The following RFX4 variants were observed in gnomAD, a reference collection of about 807,000 sequenced individuals.
RFX4 encodes regulatory factor X4.
A neutral mutation model predicts 95.0 loss-of-function variants in RFX4; 10 were observed. That is an observed-to-expected ratio of 0.11 (90% CI 0.06 to 0.18). The LOEUF (loss-of-function observed/expected upper bound fraction) is 0.18. Ranked by LOEUF, RFX4 falls within the 10% of genes least tolerant of loss-of-function variation. The pLI is 1.00. For missense variants in RFX4, 640 were observed against 922.0 expected (o/e 0.69, Z 3.96); for synonymous variants, 321 against 340.7 (o/e 0.94, Z 0.64).
At chr12:106,691,068 G>A (rs1021404918) in intron 7 of RFX4, among the ~76,000 whole-genome samples, 2 of 152,216 alleles carry the variant, frequency 1.3e-5, no homozygotes, top group Non-Finnish European at 2.9e-5. Context: ...TATGGTGAGA[G>A]GTCCAGAAAC....
chr12:106,759,630 G>A (rs1373477603), intron 17 of RFX4, among the ~76,000 whole-genome samples: 4 of 152,082 alleles, frequency 2.6e-5, no homozygotes, highest in African/African-American at 9.7e-5. Flanking sequence ...TTCCCATGAC[G>A]CAGAGCACAG....
chr12:106,585,016 C>A (rs2039433795), intron 1 of RFX4, among the ~76,000 whole-genome samples: 1 of 152,250 alleles, frequency 6.6e-6, no homozygotes, highest in South Asian at 2.1e-4. Context: ...CCTTTTCCAC[C>A]ATTTTTTCAT....
intron 2 of RFX4, among the ~76,000 whole-genome samples, chr12:106,631,384 T>C (rs976658190): frequency 2.6e-5 from 4 of 152,232 alleles, no homozygotes; most frequent in Non-Finnish European, 5.9e-5. Context: ...CTGCAGAGCT[T>C]ACAAGCTAAC....
intron 2 of RFX4, among the ~76,000 whole-genome samples, chr12:106,625,179 G>A (rs535542396): frequency 6.6e-6 from 1 of 152,304 alleles, no homozygotes; most frequent in South Asian, 2.1e-4. Flanking sequence ...CACACTCCTA[G>A]TTAGTGGCAG....
In RFX4 at chr12:106,718,881, C is replaced by T. The variant is rs576095806; in HGVS notation, c.1139-1079C>T. On this transcript the variant is annotated intron_variant, in intron 11 of 17. Coordinates refer to ENST00000392842, the MANE Select transcript of RFX4 (RefSeq NM_213594.3). Reference sequence around the variant, plus strand: ...ATCCCAGCACTTTGGGAGGCCAAGGCGGGCGGATCACGAGGTCAGGAGATT... The same window carrying T: ...ATCCCAGCACTTTGGGAGGCCAAGGTGGGCGGATCACGAGGTCAGGAGATT... Among the ~76,000 whole-genome samples, 280 of 149,926 alleles carry T rather than the reference C, an allele frequency of 1.9e-3. 1 individual carries two copies. The highest frequency in any genetic ancestry group is 6.4e-3 in the African/African-American group (262 of 40,724).
In RFX4 at chr12:106,689,339, C is replaced by T; in HGVS notation, c.644C>T (p.Thr215Ile). 1 of 1,613,870 alleles carries T rather than the reference C, an allele frequency of 6.2e-7. No individual in the cohort carries two copies. The highest frequency in any genetic ancestry group is 8.5e-7 in the Non-Finnish European group (1 of 1,179,722). ...ACACACTGTCAGAGAATACTGGACA[C>T]TGTAATAAGAGCCAACTTTGATGAG... is the stretch of plus-strand genomic sequence containing the variant. ...YRTHCQRILD[T>I]VIRANFDEVQ... The change falls in exon 7 of 18, where the codon ACT becomes ATT. Residue 215 changes from threonine (T) to isoleucine (I), a missense_variant. Coordinates refer to ENST00000392842, the MANE Select transcript of RFX4 (RefSeq NM_213594.3).
intron 13 of RFX4, among the ~76,000 whole-genome samples, chr12:106,730,155 G>A (rs1185758219): frequency 6.6e-6 from 1 of 152,122 alleles, no homozygotes; most frequent in East Asian, 1.9e-4. Flanking sequence ...TTAAGCCAGG[G>A]ATCTTCCTCT....
At chr12:106,754,123 A>G (rs2043064162) in intron 17 of RFX4, among the ~76,000 whole-genome samples, 1 of 152,162 alleles carries the variant, frequency 6.6e-6, no homozygotes, top group African/African-American at 2.4e-5. Context: ...GTTTGTTTTG[A>G]TTTCCATCTG....
At chr12:106,748,811 C>T (rs929183124) in intron 16 of RFX4, among the ~76,000 whole-genome samples, 4 of 151,876 alleles carry the variant, frequency 2.6e-5, no homozygotes, top group African/African-American at 9.7e-5. Flanking sequence ...ATGGGCTGGG[C>T]GCAGTGGCTC....
rs372619698 is a variant in RFX4, at chr12:106,732,255, C to T, written c.1471+6C>T. On this transcript the variant is annotated splice_donor_region_variant and intron_variant, in intron 14 of 17. Coordinates refer to ENST00000392842, the MANE Select transcript of RFX4 (RefSeq NM_213594.3). ...GAAGGGAGAAGGAAGCACTGGTAAG[C>T]CAGCATTTTCCTGGGAATTGCACCA... 5 of 1,613,542 alleles carry T rather than the reference C, an allele frequency of 3.1e-6. No individual in the cohort carries two copies. Among genetic ancestry groups the T allele is most frequent in the Non-Finnish European group, 3.4e-6 (4 of 1,179,696 alleles).
intron 1 of RFX4, among the ~76,000 whole-genome samples, chr12:106,587,538 C>G (rs190407248): frequency 6.6e-6 from 1 of 152,128 alleles, no homozygotes; most frequent in African/African-American, 2.4e-5. Context: ...CCAGAGGCTC[C>G]GAGGTCTCTA....
At chr12:106,684,637 G>C in intron 5 of RFX4, 2 of 1,353,204 alleles carry the variant, frequency 1.5e-6, no homozygotes, top group South Asian at 1.6e-5. Flanking sequence ...GGTTACGGTG[G>C]TGTGTCATAA....
intron 9 of RFX4, 30 bp downstream of exon 9, chr12:106,709,460 G>A: frequency 6.5e-7 from 1 of 1,542,670 alleles, no homozygotes; most frequent in African/African-American, 1.4e-5. Context: ...CGGGATGGAA[G>A]AGAGAATTAC....
chr12:106,718,954 CAAA>C (rs34996369), intron 11 of RFX4, among the ~76,000 whole-genome samples: 8 of 107,644 alleles, frequency 7.4e-5, no homozygotes, highest in Non-Finnish European at 3.9e-5. Flanking sequence ...ACTAAAGATA[CAAA>C]AAAAAAAAAA....
chr12:106,761,135 T>C (rs993384113), intron 17 of RFX4, 62 bp from the exon 18 acceptor site: 20 of 1,520,262 alleles, frequency 1.3e-5, no homozygotes, highest in African/African-American at 6.9e-5. Flanking sequence ...ACATGACTGA[T>C]ATTGTGTATA....
chr12:106,749,248 A>C, intron 16 of RFX4, among the ~76,000 whole-genome samples: 1 of 140,252 alleles, frequency 7.1e-6, no homozygotes, highest in African/African-American at 2.8e-5. Flanking sequence ...AGAGCGATAT[A>C]CTCCAACTCA....
chr12:106,635,379 G>A (rs1245738785), intron 2 of RFX4, among the ~76,000 whole-genome samples: 3 of 152,122 alleles, frequency 2.0e-5, no homozygotes, highest in East Asian at 1.9e-4. Context: ...GTGTAGTGGC[G>A]TGATCTCTTT....
intron 8 of RFX4, among the ~76,000 whole-genome samples, chr12:106,708,709 C>T (rs141262804): frequency 1.8e-4 from 27 of 152,280 alleles, no homozygotes; most frequent in African/African-American, 6.0e-4. Context: ...AAATGGTGCC[C>T]GGTGTCTTCT....
In RFX4 at chr12:106,639,348, T is replaced by C; in HGVS notation, c.147T>C (p.Asn49=). 1 of 1,613,592 alleles carries C rather than the reference T, an allele frequency of 6.2e-7. No homozygotes were observed. The highest frequency in any genetic ancestry group is 8.5e-7 in the Non-Finnish European group (1 of 1,179,776). The change falls in exon 3 of 18, where the codon AAT becomes AAC. Residue 49 remains asparagine (N), a synonymous_variant. Transcript: ENST00000392842. The part of the protein sequence containing the change: ...VSNDENEEKE[N]NRASKPHSTP... ...CTTTAACAGATGAGGAAAAAGAAAA[T>C]AATAGAGCATCCAAGCCCCACTCCA...
Sources: gnomAD v4.1 joint callset for allele counts (sites outside exome capture counted in the v4.1 genomes callset) on GRCh38, gnomAD v4.1.1 for gene constraint, MANE v1.5 for transcripts, NCBI Gene and HGNC (gene_info 2026-07-23, HGNC 2026-07-21) for gene names.